UGT1A7: variants seen among roughly 807,000 people sequenced by gnomAD.
The protein encoded by UGT1A7 is UDP glucuronosyltransferase family 1 member A7.
In UGT1A7, 33 loss-of-function variants were observed where a neutral mutation model predicts 45.6. The ratio of observed to expected loss-of-function variants is 0.72; its 90% CI spans 0.55 to 0.97. The LOEUF is 0.97. Among genes scored for constraint, UGT1A7 ranks in the 50% least tolerant of loss-of-function variants. UGT1A7 has a pLI of 0.00. For missense variants in UGT1A7, 684 were observed against 666.2 expected (o/e 1.03, Z -0.29); for synonymous variants, 274 against 250.6 (o/e 1.09, Z -0.88).
chr2:233,693,738 C>A, intron 1 of UGT1A7: 2 of 1,614,170 alleles, frequency 1.2e-6, no homozygotes, highest in South Asian at 2.2e-5. Context: ...GATATAATCA[C>A]CTTATATCAG....
In UGT1A7 at chr2:233,685,559, A is replaced by G. The variant is rs184912904; in HGVS notation, c.855+2767A>G. Among the ~76,000 whole-genome samples, 5 of 152,332 alleles carry G rather than the reference A, an allele frequency of 3.3e-5. No homozygotes were observed. The East Asian group carries it at 7.7e-4, about 24-fold the overall frequency. The stretch of plus-strand genomic sequence containing the variant: ...CGCATTCTGTTTTTGATCCAAATTC[A>G]AATTTACCTGTTACTGGGCAAGCCC... On this transcript the variant is annotated intron_variant, in intron 1 of 4. Transcript: ENST00000373426.
chr2:233,729,775 C>G (rs775577941), intron 1 of UGT1A7: 2 of 1,613,826 alleles, frequency 1.2e-6, no homozygotes, highest in East Asian at 2.2e-5. Context: ...CATGCTCTAC[C>G]CTCTGGCCCT....
chr2:233,744,692 A>G (rs1481135154), intron 1 of UGT1A7, among the ~76,000 whole-genome samples: 1 of 151,878 alleles, frequency 6.6e-6, no homozygotes, highest in African/African-American at 2.4e-5. Context: ...AGCTTCTGGA[A>G]AACTCCACTG....
At chr2:233,759,068 T>G (rs1168767781) in intron 1 of UGT1A7, among the ~76,000 whole-genome samples, 1 of 152,198 alleles carries the variant, frequency 6.6e-6, no homozygotes, top group African/African-American at 2.4e-5. Flanking sequence ...GAAAAGGAAT[T>G]TGGAAGAAAG....
intron 1 of UGT1A7, chr2:233,743,354 T>A: frequency 5.1e-6 from 5 of 972,108 alleles, no homozygotes. Flanking sequence ...GACATGGACT[T>A]GAAGCTGCCT....
At chr2:233,757,745 C>T (rs1696711859) in intron 1 of UGT1A7, among the ~76,000 whole-genome samples, 1 of 151,332 alleles carries the variant, frequency 6.6e-6, no homozygotes. Context: ...GGGCACTGGA[C>T]ATGTTTATGT....
At chr2:233,760,151 C>T (rs1697328839) in intron 1 of UGT1A7, 1 of 1,476,036 alleles carries the variant, frequency 6.8e-7, no homozygotes, top group South Asian at 1.3e-5. Flanking sequence ...AAGTGAACTC[C>T]CTGCTACCTT....
chr2:233,713,998 T>A, intron 1 of UGT1A7: 1 of 1,554,968 alleles, frequency 6.4e-7, no homozygotes, highest in Admixed American at 1.9e-5. Flanking sequence ...TAGTCTTCAG[T>A]GAGATAAACT....
In UGT1A7 at chr2:233,693,825, T is replaced by C. The variant is rs753049061; in HGVS notation, c.855+11033T>C. ...CCGGTCATGCCCAACATGGTCTTCA[T>C]TGGAGGTATCAACTGTAAGAAGAGG... On this transcript the variant is annotated intron_variant, in intron 1 of 4. Transcript: ENST00000373426. 3.5e-5 allele frequency: 57 copies of C among 1,614,084 alleles called. No homozygotes were observed. In the Admixed American group the frequency reaches 7.7e-4, roughly 22 times the overall value.
intron 1 of UGT1A7, chr2:233,743,045 T>C (rs397706649): frequency 6.3e-6 from 2 of 318,190 alleles, no homozygotes; most frequent in Non-Finnish European, 6.1e-6. Context: ...CCTATCCGTG[T>C]AGTCCCAACG....
chr2:233,743,994 TG>T, intron 1 of UGT1A7: 1 of 1,253,164 alleles, frequency 8.0e-7, no homozygotes, highest in Non-Finnish European at 1.0e-6. Flanking sequence ...CAGGCCCGAG[TG>T]CTCGGAGACC....
chr2:233,725,566 C>T (rs559123427), intron 1 of UGT1A7, among the ~76,000 whole-genome samples: 223 of 152,120 alleles, frequency 1.5e-3, no homozygotes, highest in African/African-American at 5.2e-3. Context: ...AACATATATT[C>T]GATATAAGAT....
Position 233,757,147 on chromosome 2 carries a change from C to T in UGT1A7, c.856-9887C>T, listed in dbSNP as rs1696419707. Among the ~76,000 whole-genome samples, 3 of 151,258 alleles carry T rather than the reference C, an allele frequency of 2.0e-5. No individual in the cohort carries two copies. The South Asian group carries it at 6.3e-4, about 32-fold the overall frequency. Reference sequence around the variant, plus strand: ...GGAGGAATGAGCTTGGACAGGTGGGCTGGGGTCTATCCCAGAGTTTTGAGA... The same window carrying T: ...GGAGGAATGAGCTTGGACAGGTGGGTTGGGGTCTATCCCAGAGTTTTGAGA... On this transcript the variant is annotated intron_variant, in intron 1 of 4. Transcript: ENST00000373426.
chr2:233,752,969 A>G (rs553949581), intron 1 of UGT1A7, among the ~76,000 whole-genome samples: 2 of 152,310 alleles, frequency 1.3e-5, no homozygotes, highest in Non-Finnish European at 2.9e-5. Context: ...TATGTAACCA[A>G]TTGTGTAGAT....
In UGT1A7 at chr2:233,682,602, A is replaced by G. The variant is rs1352958533; in HGVS notation, c.665A>G (p.Tyr222Cys). ...TTGGAGGAACATTTATTTTGCCCCT[A>G]TTTTTTCAAAAATGTCTTAGAAATA... Reference protein sequence around the residue: ...MHLEEHLFCPYFFKNVLEIAS... With the variant: ...MHLEEHLFCPCFFKNVLEIAS... Residue 222 changes from tyrosine (Y) to cysteine (C), a missense_variant, in exon 1 of 5, where the codon TAT becomes TGT. Coordinates refer to ENST00000373426, the MANE Select transcript of UGT1A7 (RefSeq NM_019077.3). The G allele has an allele frequency of 1.9e-6, 3 of 1,613,792 alleles. No individual in the cohort carries two copies. The highest frequency in any genetic ancestry group is 1.3e-5 in the African/African-American group (1 of 74,978).
intron 1 of UGT1A7, among the ~76,000 whole-genome samples, chr2:233,756,714 T>C (rs1696309930): frequency 6.6e-6 from 1 of 152,188 alleles, no homozygotes. Flanking sequence ...GGGACTTTTT[T>C]TGAGATCTGA....
At chr2:233,738,082 A>T (rs1218405907) in intron 1 of UGT1A7, among the ~76,000 whole-genome samples, 1 of 152,110 alleles carries the variant, frequency 6.6e-6, no homozygotes, top group South Asian at 2.1e-4. Context: ...TCCTAATCTC[A>T]TCATAGTGAG....
intron 1 of UGT1A7, among the ~76,000 whole-genome samples, chr2:233,716,316 T>C (rs1429812588): frequency 1.3e-5 from 2 of 152,236 alleles, no homozygotes; most frequent in Non-Finnish European, 2.9e-5. Context: ...CCACCTGTAA[T>C]GGAATATATT....
intron 1 of UGT1A7, chr2:233,747,578 G>A: frequency 6.3e-7 from 1 of 1,584,344 alleles, no homozygotes; most frequent in Non-Finnish European, 8.7e-7. Flanking sequence ...ATTCATCTTT[G>A]GTCTTTCATA....
Sources: gnomAD v4.1 joint callset for allele counts (sites outside exome capture counted in the v4.1 genomes callset) on GRCh38, gnomAD v4.1.1 for gene constraint, MANE v1.5 for transcripts, NCBI Gene and HGNC (gene_info 2026-07-23, HGNC 2026-07-21) for gene names.